PIM2: variants seen among roughly 807,000 people sequenced by gnomAD.
PIM2 encodes the protein serine/threonine-protein kinase pim-2.
A neutral mutation model predicts 18.0 loss-of-function variants in PIM2; 3 were observed. That is an observed-to-expected ratio of 0.17 (90% CI 0.08 to 0.43). The LOEUF is 0.43. Among genes scored for constraint, PIM2 ranks in the 20% least tolerant of loss-of-function variants. The pLI is 0.99. For synonymous variants in PIM2, 117 were observed against 105.3 expected, an observed-to-expected ratio of 1.11 and a Z score of -0.68; for missense variants, 181 against 260.8, an observed-to-expected ratio of 0.69 and a Z score of 2.11.
chrX:48,918,109 C>T (rs888886548), intron 2 of PIM2, among the ~76,000 whole-genome samples: 1 of 109,419 alleles, frequency 9.1e-6, no homozygotes, highest in Non-Finnish European at 1.9e-5. Flanking sequence ...TTTCCTGATA[C>T]CCCAGGCCCA....
intron 3 of PIM2, among the ~76,000 whole-genome samples, chrX:48,916,438 G>C (rs932208816): frequency 1.8e-5 from 2 of 112,940 alleles, no homozygotes; most frequent in African/African-American, 6.4e-5. Flanking sequence ...GTGGCCCTGC[G>C]CAGTGGCTCA....
At chrX:48,917,395 G>C (rs2063566049) in intron 3 of PIM2, among the ~76,000 whole-genome samples, 2 of 111,840 alleles carry the variant, frequency 1.8e-5, no homozygotes, top group South Asian at 7.3e-4. Context: ...GTTTCCCCTA[G>C]AGCCCGCCAG....
At chrX:48,915,486 C>A (rs1161682820) in intron 3 of PIM2, 94 bp from the exon 4 acceptor site, 1 of 892,573 alleles carries the variant, frequency 1.1e-6, no homozygotes, top group African/African-American at 2.0e-5. Flanking sequence ...CAACTCAGGG[C>A]CCCTTTTCCT....
intron 2 of PIM2, among the ~76,000 whole-genome samples, chrX:48,918,315 A>G (rs1425653151): frequency 1.4e-4 from 1 of 7,017 alleles, no homozygotes; most frequent in African/African-American, 6.1e-4. Flanking sequence ...CCCCCCGCCC[A>G]TAACCTCCTA....
chrX:48,914,674 G>C (rs939812866), intron 4 of PIM2, 103 bp from the exon 5 acceptor site: 4 of 682,813 alleles, frequency 5.9e-6, no homozygotes, highest in Non-Finnish European at 8.6e-6. Flanking sequence ...GAGCACTCAA[G>C]ATAAAAGCAG....
In PIM2 at chrX:48,918,868, C is replaced by A. The variant is rs1479648218; in HGVS notation, c.-34G>T. The A allele has an allele frequency of 2.6e-6, 3 of 1,146,993 alleles. No individual in the cohort carries two copies. Among genetic ancestry groups the A allele is most frequent in the Non-Finnish European group, 3.5e-6 (3 of 853,272 alleles). The allele number at this position is 1,146,993 out of a possible 1,213,427, so 94.5% of individuals were successfully genotyped here. On this transcript the variant is annotated 5_prime_UTR_variant, in exon 1 of 6. Coordinates refer to ENST00000376509, the MANE Select transcript of PIM2 (RefSeq NM_006875.4). ...CGCTGCGCAGATTGAGCCCACTGAA[C>A]CCGCTAAGCCCGCAGGGCGTGGACG... is the stretch of plus-strand genomic sequence containing the variant.
intron 2 of PIM2, 84 bp from the exon 3 acceptor site, chrX:48,917,915 T>A (rs782427695): frequency 1.4e-6 from 1 of 723,856 alleles, no homozygotes; most frequent in African/African-American, 2.1e-5. Flanking sequence ...CCTCCAGTAT[T>A]CCTCCATCTA....
At chrX:48,917,515 C>A (rs1357776008) in intron 3 of PIM2, among the ~76,000 whole-genome samples, 3 of 113,228 alleles carry the variant, frequency 2.6e-5, no homozygotes, top group African/African-American at 9.6e-5. Flanking sequence ...GACCTCTGCC[C>A]CTTGTTCCCC....
intron 3 of PIM2, among the ~76,000 whole-genome samples, chrX:48,916,071 C>T (rs1235629308): frequency 8.9e-6 from 1 of 112,759 alleles, no homozygotes; most frequent in African/African-American, 3.2e-5. Context: ...AGCATGGGCT[C>T]TGACAAGCAG....
intron 2 of PIM2, 84 bp downstream of exon 2, chrX:48,918,447 CTCACT>C: frequency 8.1e-6 from 5 of 620,275 alleles, no homozygotes; most frequent in Non-Finnish European, 1.3e-5. Context: ...ACTCTGCAGG[CTCACT>C]CCTCGGTCAA....
chrX:48,915,029 C>A lies in PIM2; in HGVS notation c.586G>T (p.Asp196Tyr). ...GALLHDEPYT[D>Y]FDGTRVYSPP... ...TTTAGAGAAGCCTTACCATCAAAGT[C>A]AGTGTAGGGTTCATCATGAAGCAGG... Residue 196 changes from aspartate (D) to tyrosine (Y), a missense_variant, in exon 4 of 6, where the codon GAC becomes TAC. Physicochemically the swap from Asp to Tyr is radical, Grantham distance 160. This residue lies in a region of PIM2 where 26 missense variants were observed against 31.1 expected (regional missense o/e 0.84). Coordinates refer to ENST00000376509, the MANE Select transcript of PIM2 (RefSeq NM_006875.4). The A allele has an allele frequency of 8.4e-7, 1 of 1,197,241 alleles. No individual in the cohort carries two copies. Among genetic ancestry groups the A allele is most frequent in the East Asian group, 3.0e-5 (1 of 33,625 alleles).
rs782656305 is a variant in PIM2 at position 48,914,103 on chromosome X, T to C, written c.*28A>G. On this transcript the variant is annotated 3_prime_UTR_variant, in exon 6 of 6. Transcript: ENST00000376509. ...GGCCATGGGATGGCTCTTCTGACCA[T>C]TGGGGGCCAGGCCAGGCCAGGCCAG... 5.2e-4 allele frequency: 495 copies of C among 950,842 alleles called. 1 individual carries two copies. The highest frequency in any genetic ancestry group is 6.8e-4 in the Non-Finnish European group (476 of 702,471). The allele number at this position is 950,842 out of a possible 1,213,427, so 78.4% of individuals were successfully genotyped here.
chrX:48,918,176 AT>A (rs1281715604), intron 2 of PIM2, among the ~76,000 whole-genome samples: 1 of 107,860 alleles, frequency 9.3e-6, no homozygotes, highest in African/African-American at 3.4e-5. Context: ...CCTGGTCCGC[AT>A]GACTCCACAC....
chrX:48,915,096 T>C lies in PIM2; in HGVS notation c.519A>G (p.Leu173=). 5 of 1,211,179 alleles carry C rather than the reference T, an allele frequency of 4.1e-6. No homozygotes were observed. Among genetic ancestry groups the C allele is most frequent in the Non-Finnish European group, 5.6e-6 (5 of 894,757 alleles). Residue 173 remains leucine (L), a synonymous_variant, in exon 4 of 6, where the codon CTA becomes CTG. Coordinates refer to ENST00000376509, the MANE Select transcript of PIM2 (RefSeq NM_006875.4). ...DIKDENILID[L]RRGCAKLIDF... ...CAATGAGTTTGGCACAGCCACGGCGTAGGTCTATCAGGATGTTCTCATCCT... is the reference window on the plus strand; with the variant it reads ...CAATGAGTTTGGCACAGCCACGGCGCAGGTCTATCAGGATGTTCTCATCCT...
intron 3 of PIM2, among the ~76,000 whole-genome samples, chrX:48,916,725 G>A (rs1333371469): frequency 3.6e-5 from 4 of 111,259 alleles, no homozygotes; most frequent in African/African-American, 1.3e-4. Flanking sequence ...GCGGGTGCCT[G>A]TAATTCCAGC....
rs3027513 is a variant in PIM2 at position 48,917,976 on chromosome X, T to G, written c.172-145A>C. ...CAACCACAGCACCCCACAGAACGCGTACCAGGGCGTCTCCCCTGCCCTCCA... is the reference window on the plus strand; with the variant it reads ...CAACCACAGCACCCCACAGAACGCGGACCAGGGCGTCTCCCCTGCCCTCCA... On this transcript the variant is annotated intron_variant, in intron 2 of 5. Transcript: ENST00000376509. 0.024 allele frequency: 11,785 copies of G among 496,888 alleles called. 794 individuals carry two copies. In the East Asian group the frequency reaches 0.27, roughly 11 times the overall value. 40.9% of individuals were successfully genotyped at this position (496,888 alleles called of 1,213,427 possible). A position where few individuals can be genotyped will look rare whatever the true frequency, so the allele number is the denominator to read the frequency against.
Position 48,915,206 on chromosome X carries a change from C to G in PIM2, c.409G>C (p.Glu137Gln), listed in dbSNP as rs1350855681. 5 of 1,210,974 alleles carry G rather than the reference C, an allele frequency of 4.1e-6. No individual in the cohort carries two copies. Among genetic ancestry groups the G allele is most frequent in the Non-Finnish European group, 5.6e-6 (5 of 895,263 alleles). ...CCAAAGAAGCAGCGGCTTGGGCCTT[C>G]ACCCAGTGGGCCCTTCTCTGTGATA... ...DYITEKGPLG[E>Q]GPSRCFFGQV... is the part of the protein sequence containing the mutation. The change falls in exon 4 of 6, where the codon GAA (glutamate) becomes CAA (glutamine). Residue 137 changes from glutamate (E) to glutamine (Q), a missense_variant. Glu to Gln is a conservative substitution (Grantham distance 29, BLOSUM62 2). This residue lies in a region of PIM2 where 104 missense variants were observed against 125.3 expected (regional missense o/e 0.83). Coordinates refer to ENST00000376509, the MANE Select transcript of PIM2 (RefSeq NM_006875.4).
rs35208542 is a variant in PIM2 at position 48,914,229 on chromosome X, T to C, written c.838A>G (p.Ile280Val). ...GTTTGCATCCAGGGGTCCAGCAGGA[T>C]CTCTTCCAGTGAGGGTCGGGAAGAA... is the stretch of plus-strand genomic sequence containing the variant. ...KPSSRPSLEEILLDPWMQTPA... is the reference protein window; with the variant it reads ...KPSSRPSLEEVLLDPWMQTPA... Residue 280 changes from isoleucine to valine, a missense_variant, in exon 6 of 6, where the codon ATC becomes GTC. Ile to Val is a conservative substitution (Grantham distance 29). This residue lies in a region of PIM2 where 41 missense variants were observed against 52.0 expected (regional missense o/e 0.79). Transcript: ENST00000376509. 16 of 1,199,452 alleles carry C rather than the reference T, an allele frequency of 1.3e-5. No individual in the cohort carries two copies. Among genetic ancestry groups the C allele is most frequent in the Non-Finnish European group, 1.8e-5 (16 of 890,083 alleles).
At chrX:48,917,335 T>A (rs1241214827) in intron 3 of PIM2, among the ~76,000 whole-genome samples, 1 of 111,296 alleles carries the variant, frequency 9.0e-6, no homozygotes, top group Non-Finnish European at 1.9e-5. Flanking sequence ...AATACCGATA[T>A]TGCGCAGGCG....
Sources: gnomAD v4.1 joint callset for allele counts (sites outside exome capture counted in the v4.1 genomes callset) on GRCh38, gnomAD v4.1.1 for gene constraint, gnomAD v4.1.1 regional missense constraint, MANE v1.5 for transcripts, NCBI Gene and HGNC (gene_info 2026-07-23, HGNC 2026-07-21) for gene names.